The following DMBT1 variants were observed in gnomAD, a reference collection of about 807,000 sequenced individuals.
The protein encoded by DMBT1 is scavenger receptor cysteine-rich domain-containing protein DMBT1.
DMBT1 carries 198 observed loss-of-function variants against 252.9 expected under a neutral mutation model. The observed-to-expected ratio is 0.78, with a 90% CI of 0.70 to 0.88. DMBT1 has a LOEUF of 0.88. DMBT1 is among the 40% of genes least tolerant of loss of function. DMBT1 has a pLI of 0.00. For missense variants in DMBT1, 2,432 were observed against 2,404.7 expected (o/e 1.01, Z -0.24); for synonymous variants, 990 against 942.7 (o/e 1.05, Z -0.92).
At position 122,621,351 on chromosome 10, in the gene DMBT1, A is replaced by G. The variant is rs745860277; in HGVS notation, c.5579A>G (p.His1860Arg). The stretch of plus-strand genomic sequence containing the variant: ...GGCTGGCTCACCCACAACTGTGGCC[A>G]TCACGAAGACGCTGGTGTCATCTGC... ...HKGWLTHNCGHHEDAGVICSA... is the reference protein window; with the variant it reads ...HKGWLTHNCGRHEDAGVICSA... The change falls in exon 44 of 56, where the codon CAT becomes CGT. Residue 1860 changes from histidine to arginine, a missense_variant. Around this residue, in one of 3 missense-constraint regions of DMBT1, gnomAD observed 1,162 missense variants for 1,169.0 expected, o/e 0.99. Coordinates refer to ENST00000338354, the MANE Select transcript of DMBT1 (RefSeq NM_001377530.1). The G allele has an allele frequency of 4.3e-6, 7 of 1,613,876 alleles. No homozygotes were observed. Among genetic ancestry groups the G allele is most frequent in the Non-Finnish European group, 5.9e-6 (7 of 1,179,758 alleles).
At chr10:122,623,656 T>A (rs2098091384) in intron 44 of DMBT1, among the ~76,000 whole-genome samples, 1 of 152,236 alleles carries the variant, frequency 6.6e-6, no homozygotes, top group Non-Finnish European at 1.5e-5. Context: ...TGACTAATGA[T>A]GTTGAGCATC....
intron 2 of DMBT1, among the ~76,000 whole-genome samples, chr10:122,567,347 T>G (rs1372493819): frequency 1.3e-5 from 2 of 152,152 alleles, no homozygotes; most frequent in Non-Finnish European, 2.9e-5. Context: ...GTTTTGCTCG[T>G]AAGAGGGGCC....
rs1331407529 is a variant in DMBT1, at chr10:122,577,484, G to A, written c.608-327G>A. Among the ~76,000 whole-genome samples the A allele has an allele frequency of 3.3e-5, 5 of 152,324 alleles. No individual in the cohort carries two copies. In the East Asian group the frequency reaches 7.7e-4, roughly 24 times the overall value. On this transcript the variant is annotated intron_variant, in intron 7 of 55. Coordinates refer to ENST00000338354, the MANE Select transcript of DMBT1 (RefSeq NM_001377530.1). ...TCAGACTCATCGCAGCTCAAGCGTG[G>A]AGAGTTAGGGTCTTCATCTACTCAT...
At position 122,634,543 on chromosome 10, in the gene DMBT1, C is replaced by G. The variant is rs78946210; in HGVS notation, c.6548+1202C>G. ...ATGGAGTCTCGCTCTGTCACCCAGG[C>G]TGGAATGTAGTGGCACGGTCTCGGC... On this transcript the variant is annotated intron_variant, in intron 52 of 55. Transcript: ENST00000338354. Among the ~76,000 whole-genome samples the G allele has an allele frequency of 0.01, 1,525 of 149,040 alleles. 64 individuals carry two copies. In the East Asian group the frequency reaches 0.12, roughly 12 times the overall value.
rs1290325661 is a variant in DMBT1 at position 122,586,268 on chromosome 10, T to C, written c.1668T>C (p.Ile556=). The change falls in exon 16 of 56, where the codon ATT becomes ATC. Residue 556 remains isoleucine (I), a synonymous_variant. Transcript: ENST00000338354. The part of the protein sequence containing the change: ...NARFGQGSGP[I]VLDDVRCSGN... ...GGTTTGGTCAGGGCTCAGGACCCAT[T>C]GTCCTGGATGACGTGCGCTGCTCAG... The C allele has an allele frequency of 1.9e-6, 3 of 1,588,770 alleles. 1 individual carries two copies. In the South Asian group the frequency reaches 3.4e-5, roughly 18 times the overall value.
chr10:122,570,071 C>A (rs1346572652), intron 2 of DMBT1, 91 bp from the exon 3 acceptor site: 7 of 1,217,024 alleles, frequency 5.8e-6, no homozygotes, highest in Non-Finnish European at 8.5e-6. Context: ...GCCCTGGCTT[C>A]CAGTTCTTGC....
Position 122,643,429 on chromosome 10 carries a change from G to C in DMBT1, c.*31G>C, listed in dbSNP as rs572778510. 2.5e-6 allele frequency: 4 copies of C among 1,588,190 alleles called. No homozygotes were observed. In the African/African-American group the frequency reaches 5.4e-5, roughly 21 times the overall value. Reference sequence around the variant, plus strand: ...CGCTCTCAGACCCCACTGTCCACCGGGGCGCAGACCCCTGACTCGGGGACT... The same window carrying C: ...CGCTCTCAGACCCCACTGTCCACCGCGGCGCAGACCCCTGACTCGGGGACT... On this transcript the variant is annotated 3_prime_UTR_variant, in exon 56 of 56. Coordinates refer to ENST00000338354, the MANE Select transcript of DMBT1 (RefSeq NM_001377530.1).
intron 51 of DMBT1, 91 bp from the exon 52 acceptor site, chr10:122,633,100 T>C: frequency 1.3e-6 from 2 of 1,523,778 alleles, no homozygotes; most frequent in Non-Finnish European, 1.8e-6. Flanking sequence ...TTTTATAAAA[T>C]TTTAAAGTAA....
rs1379114297 is a variant in DMBT1, at chr10:122,626,450, T to C, written c.5668+485T>C. 2.0e-5 allele frequency among the ~76,000 whole-genome samples: 3 copies of C among 152,254 alleles called. No individual in the cohort carries two copies. The East Asian group carries it at 5.8e-4, about 29-fold the overall frequency. ...ATATTTGTTTGTATTTCTTCATTAC[T>C]GTAAATGATTTTGTGATGAAGAATA... On this transcript the variant is annotated intron_variant, in intron 46 of 55. Coordinates refer to ENST00000338354, the MANE Select transcript of DMBT1 (RefSeq NM_001377530.1).
rs544182351 is a variant in DMBT1 at position 122,585,716 on chromosome 10, A to T, written c.1460-344A>T. ...CCTGTGAAATTTTCAGAAGCCAGAC[A>T]GGACCATAGGATTGCCACCAAGCTC... On this transcript the variant is annotated intron_variant, in intron 15 of 55. Coordinates refer to ENST00000338354, the MANE Select transcript of DMBT1 (RefSeq NM_001377530.1). Among the ~76,000 whole-genome samples, 115 of 148,746 alleles carry T rather than the reference A, an allele frequency of 7.7e-4. 3 individuals carry two copies. The highest frequency in any genetic ancestry group is 2.7e-3 in the African/African-American group (112 of 41,228).
rs1328195206 is a variant in DMBT1, at chr10:122,565,942, T to C, written c.62-25T>C. ...GGAAATCATTTCTAAACAGTGTTTC[T>C]AAGACGAATTTGTGTTCTTTCCAGG... On this transcript the variant is annotated intron_variant, in intron 1 of 55. Coordinates refer to ENST00000338354, the MANE Select transcript of DMBT1 (RefSeq NM_001377530.1). The C allele has an allele frequency of 6.8e-6, 11 of 1,613,186 alleles. No homozygotes were observed. In the Admixed American group the frequency reaches 1.7e-4, roughly 24 times the overall value.
chr10:122,575,469 T>C (rs543930206), intron 6 of DMBT1, among the ~76,000 whole-genome samples: 1 of 152,232 alleles, frequency 6.6e-6, no homozygotes, highest in South Asian at 2.1e-4. Flanking sequence ...TAGTTTACTT[T>C]CAGCCCATGA....
intron 54 of DMBT1, among the ~76,000 whole-genome samples, chr10:122,639,409 C>T (rs950680882): frequency 2.0e-5 from 3 of 151,264 alleles, no homozygotes; most frequent in Non-Finnish European, 2.9e-5. Context: ...AGAGAGTCAG[C>T]GAAGAGAGAT....
chr10:122,586,434 G>T lies in DMBT1; in HGVS notation c.1783+51G>T, dbSNP rs1012586696. 4.4e-6 allele frequency: 7 copies of T among 1,580,312 alleles called. 1 individual carries two copies. The highest frequency in any genetic ancestry group is 4.3e-6 in the Non-Finnish European group (5 of 1,162,298). On this transcript the variant is annotated intron_variant, in intron 16 of 55. Transcript: ENST00000338354. The stretch of plus-strand genomic sequence containing the variant: ...CTCTCTTGGGGTAGATTTTGCTCAG[G>T]AAGGTTTTATTATGTTCTAATCTCC...
At chr10:122,636,313 A>C in intron 53 of DMBT1, 114 bp downstream of exon 53, 1 of 995,696 alleles carries the variant, frequency 1.0e-6, no homozygotes, top group South Asian at 1.6e-5. Context: ...TCAGGTCACC[A>C]GGGCTTGATT....
At chr10:122,567,654 C>G (rs373398322) in intron 2 of DMBT1, among the ~76,000 whole-genome samples, 1 of 152,142 alleles carries the variant, frequency 6.6e-6, no homozygotes, top group Non-Finnish European at 1.5e-5. Flanking sequence ...AGGACCTGTA[C>G]CTATTTTCCT....
chr10:122,621,425 G>T lies in DMBT1; in HGVS notation c.5608+45G>T, dbSNP rs1356136354. 3 of 1,612,330 alleles carry T rather than the reference G, an allele frequency of 1.9e-6. No individual in the cohort carries two copies. The East Asian group carries it at 6.7e-5, about 36-fold the overall frequency. ...GGCTCCCTCTCTTGGGGTGGAGTTT[G>T]CTCCAGAAGAAACTCCTAATTACAT... On this transcript the variant is annotated intron_variant, in intron 44 of 55. Transcript: ENST00000338354.
intron 25 of DMBT1, among the ~76,000 whole-genome samples, chr10:122,598,226 T>C (rs951555443): frequency 3.3e-5 from 5 of 152,054 alleles, no homozygotes; most frequent in Admixed American, 6.5e-5. Flanking sequence ...TGGAATCCTG[T>C]TCCAAGTGGT....
chr10:122,617,389 G>T (rs2098000453), intron 40 of DMBT1, 129 bp downstream of exon 40: 8 of 1,202,674 alleles, frequency 6.7e-6, no homozygotes, highest in Admixed American at 5.7e-5. Flanking sequence ...TGGGAGGAAG[G>T]TGGAGTTTCT....
Sources: allele counts gnomAD v4.1 joint callset (sites outside exome capture counted in the v4.1 genomes callset), GRCh38; gene constraint gnomAD v4.1.1; regional missense constraint gnomAD v4.1.1; transcripts MANE v1.5; gene names NCBI Gene and HGNC (gene_info 2026-07-23, HGNC 2026-07-21).